The following CEP85L variants were observed in gnomAD, a reference collection of about 807,000 sequenced individuals.
The protein encoded by CEP85L is centrosomal protein 85L.
In CEP85L, 60 loss-of-function variants were observed where a neutral mutation model predicts 100.3. That is an observed-to-expected ratio of 0.60 (90% CI 0.49 to 0.74). The LOEUF (loss-of-function observed/expected upper bound fraction) is 0.74, where lower values mean the gene tolerates loss of function less well. Among genes scored for constraint, CEP85L ranks in the 30% least tolerant of loss-of-function variants. The probability of loss-of-function intolerance (pLI) is 0.00; values close to 1 mark genes in which losing one functional copy is unlikely to be tolerated. For synonymous variants in CEP85L, 319 were observed against 322.7 expected, an observed-to-expected ratio of 0.99 and a Z score of 0.12; for missense variants, 973 against 936.2, an observed-to-expected ratio of 1.04 and a Z score of -0.51.
chr6:118,508,278 A>C (rs1370325645), intron 5 of CEP85L, among the ~76,000 whole-genome samples: 20 of 152,188 alleles, frequency 1.3e-4, no homozygotes, highest in Non-Finnish European at 1.5e-4. Context: ...GAAAAAGAAT[A>C]AAATGGAAAG....
rs1772877960 is a variant in CEP85L at position 118,470,589 on chromosome 6, T to C, written c.1970A>G (p.Glu657Gly). The C allele has an allele frequency of 6.2e-7, 1 of 1,608,230 alleles. No homozygotes were observed. The highest frequency in any genetic ancestry group is 8.5e-7 in the Non-Finnish European group (1 of 1,177,122). The change falls in exon 11 of 13, where the codon GAG becomes GGG. Residue 657 changes from glutamate (E) to glycine (G), a missense_variant. Physicochemically the swap from Glu to Gly is moderately conservative, Grantham distance 98. Around this residue, in one of 3 missense-constraint regions of CEP85L, gnomAD observed 890 missense variants for 844.5 expected, o/e 1.05. Coordinates refer to ENST00000368491, the MANE Select transcript of CEP85L (RefSeq NM_001042475.3). Reference sequence around the variant, plus strand: ...TACATTTCTTTCTTTCTTTTCCAGCTCTTCCATCATCTTTTGAGTGGTCAG... The same window carrying C: ...TACATTTCTTTCTTTCTTTTCCAGCCCTTCCATCATCTTTTGAGTGGTCAG... The part of the protein sequence containing the change: ...EKLTTQKMME[E>G]LEKKERNVQR...
intron 2 of CEP85L, among the ~76,000 whole-genome samples, chr6:118,610,707 A>AGG (rs1469685190): frequency 2.0e-5 from 3 of 152,182 alleles, no homozygotes; most frequent in Admixed American, 2.0e-4. Flanking sequence ...ATCCACCGAA[A>AGG]GGCACATGAT....
intron 2 of CEP85L, among the ~76,000 whole-genome samples, chr6:118,620,153 C>G (rs1773344677): frequency 6.6e-6 from 1 of 152,158 alleles, no homozygotes; most frequent in Non-Finnish European, 1.5e-5. Context: ...GAAAGTATAC[C>G]TCCCTAACTC....
At chr6:118,605,728 GAC>G (rs1772152259) in intron 2 of CEP85L, among the ~76,000 whole-genome samples, 1 of 152,100 alleles carries the variant, frequency 6.6e-6, no homozygotes, top group Non-Finnish European at 1.5e-5. Context: ...AGAGTGGAAA[GAC>G]AGCTGGGCAC....
At position 118,632,564 on chromosome 6, in the gene CEP85L, G is replaced by T. The variant is rs199700440; in HGVS notation, c.121C>A (p.Gln41Lys). ...AWLPANESLW[Q>K]ATTVPSNHRN... is the part of the protein sequence containing the mutation. ...TGGTTAGATGGAACAGTTGTGGCCTGCCACAATGATTCATTAGCAGGTAGC... is the reference window on the plus strand; with the variant it reads ...TGGTTAGATGGAACAGTTGTGGCCTTCCACAATGATTCATTAGCAGGTAGC... Residue 41 changes from glutamine to lysine, a missense_variant, in exon 2 of 13, where the codon CAG becomes AAG. Gln to Lys is a moderately conservative substitution (Grantham distance 53). Coordinates refer to ENST00000368491, the MANE Select transcript of CEP85L (RefSeq NM_001042475.3). 1.9e-6 allele frequency: 3 copies of T among 1,612,268 alleles called. No homozygotes were observed. The highest frequency in any genetic ancestry group is 1.7e-6 in the Non-Finnish European group (2 of 1,179,336).
intron 2 of CEP85L, among the ~76,000 whole-genome samples, chr6:118,612,402 A>G (rs1310533577): frequency 2.0e-5 from 3 of 151,948 alleles, no homozygotes; most frequent in African/African-American, 7.2e-5. Flanking sequence ...TCACACCTAT[A>G]ATCCCGGCAC....
chr6:118,660,304 G>A (rs549399621), intron 1 of CEP85L, among the ~76,000 whole-genome samples: 12 of 152,344 alleles, frequency 7.9e-5, no homozygotes, highest in African/African-American at 2.9e-4. Context: ...AGCCTCCCTG[G>A]AGAAGGTGTC....
rs374825056 is a variant in CEP85L at position 118,491,681 on chromosome 6, C to A, written c.1437+5G>T. On this transcript the variant is annotated splice_donor_5th_base_variant and intron_variant, in intron 6 of 12. Coordinates refer to ENST00000368491, the MANE Select transcript of CEP85L (RefSeq NM_001042475.3). ...ACCTAATTCAACTTTATTAGAAAAA[C>A]CTACTTTTTCCTCTAGTTTCTTCTT... The A allele has an allele frequency of 6.2e-7, 1 of 1,607,736 alleles. No individual in the cohort carries two copies. The highest frequency in any genetic ancestry group is 8.5e-7 in the Non-Finnish European group (1 of 1,177,108).
intron 4 of CEP85L, among the ~76,000 whole-genome samples, chr6:118,519,432 C>CTGTGTGTGTGTGTGTG (rs546998242): frequency 1.7e-4 from 4 of 23,972 alleles, no homozygotes; most frequent in African/African-American, 1.9e-4. Flanking sequence ...GAGCAAAACT[C>CTGTGTGTGTGTGTGTG]TGTGTGTGTG....
At chr6:118,654,270 A>G (rs1775698666), upstream of CEP85L, among the ~76,000 whole-genome samples, 1 of 152,190 alleles carries the variant, frequency 6.6e-6, no homozygotes, top group Admixed American at 6.5e-5. Flanking sequence ...AACAGAGCAA[A>G]ACCCTGCCTC....
At chr6:118,600,945 C>G (rs2115175586) in intron 2 of CEP85L, among the ~76,000 whole-genome samples, 1 of 152,268 alleles carries the variant, frequency 6.6e-6, no homozygotes, top group Middle Eastern at 3.4e-3. Flanking sequence ...TTAGTTTTAA[C>G]TGGATATACC....
intron 1 of CEP85L, among the ~76,000 whole-genome samples, chr6:118,691,533 C>CAAA (rs372306868): frequency 0.043 from 3,800 of 88,522 alleles, 147 homozygotes; most frequent in African/African-American, 0.11. Context: ...AACTCCATCT[C>CAAA]AAAAAAAAAA....
At chr6:118,694,779 A>G (rs1015777371) in intron 1 of CEP85L, among the ~76,000 whole-genome samples, 2 of 152,226 alleles carry the variant, frequency 1.3e-5, no homozygotes, top group African/African-American at 4.8e-5. Flanking sequence ...AGATACTACA[A>G]TATACGTTTC....
At chr6:118,606,217 T>G (rs1772207957) in intron 2 of CEP85L, among the ~76,000 whole-genome samples, 1 of 152,136 alleles carries the variant, frequency 6.6e-6, no homozygotes, top group South Asian at 2.1e-4. Flanking sequence ...AACAAATCCT[T>G]TCAGATCTCT....
intron 2 of CEP85L, among the ~76,000 whole-genome samples, chr6:118,630,714 T>C (rs1467970973): frequency 6.6e-6 from 1 of 152,190 alleles, no homozygotes; most frequent in Non-Finnish European, 1.5e-5. Flanking sequence ...TGAACCCTAA[T>C]GCAGGGGTCC....
rs573114261 is a variant in CEP85L at position 118,509,202 on chromosome 6, T to C, written c.1257+2096A>G. Among the ~76,000 whole-genome samples, 8 of 152,254 alleles carry C rather than the reference T, an allele frequency of 5.3e-5. 1 individual carries two copies. In the South Asian group the frequency reaches 6.2e-4, roughly 12 times the overall value. ...TGGCTTGGAGAGCCCTCTACTGGCC[T>C]GATGCTGTGTCAAAAGAACATTTGC... On this transcript the variant is annotated intron_variant, in intron 5 of 12. Coordinates refer to ENST00000368491, the MANE Select transcript of CEP85L (RefSeq NM_001042475.3).
chr6:118,537,220 A>G (rs1012507280), intron 3 of CEP85L, among the ~76,000 whole-genome samples: 2 of 152,172 alleles, frequency 1.3e-5, no homozygotes, highest in African/African-American at 4.8e-5. Flanking sequence ...TTAATGACAA[A>G]ACTTTGACAT....
chr6:118,522,394 G>C (rs1776718662), intron 4 of CEP85L, among the ~76,000 whole-genome samples: 1 of 151,984 alleles, frequency 6.6e-6, no homozygotes, highest in South Asian at 2.1e-4. Flanking sequence ...TTAAATTATA[G>C]GTATTAAAAA....
intron 1 of CEP85L, among the ~76,000 whole-genome samples, chr6:118,704,800 A>G (rs1289774478): frequency 2.0e-5 from 3 of 152,300 alleles, no homozygotes; most frequent in Non-Finnish European, 2.9e-5. Context: ...CTAAGAGTTC[A>G]TGGCGCTGGG....
Sources: gnomAD v4.1 joint callset for allele counts (sites outside exome capture counted in the v4.1 genomes callset) on GRCh38, gnomAD v4.1.1 for gene constraint, gnomAD v4.1.1 regional missense constraint, MANE v1.5 for transcripts, NCBI Gene and HGNC (gene_info 2026-07-23, HGNC 2026-07-21) for gene names.